CD274: variants seen among roughly 807,000 people sequenced by gnomAD.
The protein encoded by CD274 is programmed cell death 1 ligand 1.
In CD274, 8 loss-of-function variants were observed where a neutral mutation model predicts 30.1. The observed-to-expected ratio is 0.27, with a 90% CI of 0.16 to 0.48. CD274 has a LOEUF of 0.48. CD274 is among the 20% of genes least tolerant of loss of function. CD274 has a pLI of 0.99. For synonymous variants in CD274, 152 were observed against 124.6 expected, an observed-to-expected ratio of 1.22 and a Z score of -1.46; for missense variants, 353 against 346.6, an observed-to-expected ratio of 1.02 and a Z score of -0.15.
chr9:5,455,000 T>C (rs984134206), intron 1 of CD274, among the ~76,000 whole-genome samples: 19 of 152,174 alleles, frequency 1.2e-4, no homozygotes, highest in African/African-American at 4.3e-4. Context: ...GTTTGTATAG[T>C]TGTCTTATTG....
intron 1 of CD274, 119 bp from the exon 2 acceptor site, chr9:5,455,981 G>A (rs1380838859): frequency 1.5e-6 from 1 of 654,618 alleles, no homozygotes; most frequent in African/African-American, 1.9e-5. Flanking sequence ...ACAATTACAA[G>A]TCAATCATGA....
chr9:5,455,741 G>A (rs1225838317), intron 1 of CD274, among the ~76,000 whole-genome samples: 1 of 152,094 alleles, frequency 6.6e-6, no homozygotes, highest in Non-Finnish European at 1.5e-5. Flanking sequence ...TTTTGTACAG[G>A]GCAGGTTCTA....
chr9:5,468,029 G>A lies in CD274; in HGVS notation c.*167G>A. On this transcript the variant is annotated 3_prime_UTR_variant, in exon 7 of 7. Transcript: ENST00000381577. Reference sequence around the variant, plus strand: ...ATGGAACCTGGCGAAAGCAGAGGAGGAGAATGAAGAAAGATGGAGTCAAAC... The same window carrying A: ...ATGGAACCTGGCGAAAGCAGAGGAGAAGAATGAAGAAAGATGGAGTCAAAC... The A allele has an allele frequency of 1.6e-6, 1 of 641,054 alleles. No homozygotes were observed. Among genetic ancestry groups the A allele is most frequent in the Non-Finnish European group, 2.8e-6 (1 of 354,180 alleles). The allele number at this position is 641,054 out of a possible 1,614,324, so 39.7% of individuals were successfully genotyped here. A position where few individuals can be genotyped will look rare whatever the true frequency, so the allele number is the denominator to read the frequency against.
chr9:5,451,687 C>G lies in CD274; in HGVS notation c.-15+1091C>G, dbSNP rs185440695. On this transcript the variant is annotated intron_variant, in intron 1 of 6. Coordinates refer to ENST00000381577, the MANE Select transcript of CD274 (RefSeq NM_014143.4). ...GGTCTTCAAGGAAGTCACAGAAATA[C>G]TGTGGGGAATTGAAACCCCATGTGG... 3.1e-3 allele frequency among the ~76,000 whole-genome samples: 468 copies of G among 152,276 alleles called. 1 individual carries two copies. Among genetic ancestry groups the G allele is most frequent in the South Asian group, 6.8e-3 (33 of 4,822 alleles).
intron 6 of CD274, 87 bp from the exon 7 acceptor site, chr9:5,467,753 C>A: frequency 9.6e-7 from 1 of 1,043,934 alleles, no homozygotes; most frequent in Non-Finnish European, 1.5e-6. Context: ...ATATCAGCAA[C>A]TATGAGTTAT....
At chr9:5,463,566 T>C (rs140532471) in intron 4 of CD274, among the ~76,000 whole-genome samples, 340 of 152,342 alleles carry the variant, frequency 2.2e-3, no homozygotes, top group Middle Eastern at 3.4e-3. Flanking sequence ...CTTCCCTCTT[T>C]CCAGGGTGGC....
In CD274 at chr9:5,468,257, G is replaced by C. The variant is rs4143815; in HGVS notation, c.*395G>C. ...TTGCCTCCACTCAATGCCTCAATTT[G>C]TTTTCTGCATGACTGAGAGTCTCAG... On this transcript the variant is annotated 3_prime_UTR_variant, in exon 7 of 7. Coordinates refer to ENST00000381577, the MANE Select transcript of CD274 (RefSeq NM_014143.4). The C allele has an allele frequency of 0.27, 75,527 of 284,046 alleles. 12,339 individuals carry two copies. Among genetic ancestry groups the C allele is most frequent in the East Asian group, 0.55 (10,277 of 18,584 alleles). The allele number at this position is 284,046 out of a possible 1,614,324, so 17.6% of individuals were successfully genotyped here.
At position 5,469,379 on chromosome 9, in the gene CD274, T is replaced by A. The variant is rs1586770748; in HGVS notation, c.*1517T>A. 4.3e-6 allele frequency: 1 copy of A among 232,478 alleles called. No individual in the cohort carries two copies. The highest frequency in any genetic ancestry group is 2.2e-5 in the African/African-American group (1 of 45,298). The allele number at this position is 232,478 out of a possible 1,614,324, so 14.4% of individuals were successfully genotyped here. A position where few individuals can be genotyped will look rare whatever the true frequency, so the allele number is the denominator to read the frequency against. ...AGATGGTTGGAAAATCTCCACTTCA[T>A]CCTCCAAGCCATTCAAGTTTCCTTT... On this transcript the variant is annotated 3_prime_UTR_variant, in exon 7 of 7. Coordinates refer to ENST00000381577, the MANE Select transcript of CD274 (RefSeq NM_014143.4).
chr9:5,462,337 C>A (rs1342462194), intron 3 of CD274, among the ~76,000 whole-genome samples: 1 of 151,940 alleles, frequency 6.6e-6, no homozygotes, highest in Non-Finnish European at 1.5e-5. Context: ...AGATTTATAA[C>A]AACAAAAATA....
In CD274 at chr9:5,470,058, T is replaced by C. The variant is rs1443170970; in HGVS notation, c.*2196T>C. ...TCACTACACAGCCCTCCTAAGAGGC[T>C]TCCTGGAGGTTTCGAGATTCAGATG... On this transcript the variant is annotated 3_prime_UTR_variant, in exon 7 of 7. Transcript: ENST00000381577. The C allele has an allele frequency of 3.4e-5, 8 of 233,156 alleles. No individual in the cohort carries two copies. The highest frequency in any genetic ancestry group is 1.3e-3 in the Middle Eastern group (1 of 786). 14.4% of individuals were successfully genotyped at this position (233,156 alleles called of 1,614,324 possible).
At chr9:5,453,332 A>T (rs900273044) in intron 1 of CD274, among the ~76,000 whole-genome samples, 1 of 152,242 alleles carries the variant, frequency 6.6e-6, no homozygotes, top group Admixed American at 6.5e-5. Context: ...AATTAGCAAA[A>T]AAATAATATT....
chr9:5,465,288 G>A (rs1819478103), intron 4 of CD274, among the ~76,000 whole-genome samples: 1 of 152,178 alleles, frequency 6.6e-6, no homozygotes, highest in African/African-American at 2.4e-5. Context: ...TTTAGCCCCA[G>A]CACCACCTTT....
chr9:5,461,580 C>T (rs1223627217), intron 3 of CD274, among the ~76,000 whole-genome samples: 1 of 151,878 alleles, frequency 6.6e-6, no homozygotes, highest in African/African-American at 2.4e-5. Flanking sequence ...CTATTGCTGT[C>T]CTTGGTAAAG....
chr9:5,464,075 A>G (rs1347759609), intron 4 of CD274, among the ~76,000 whole-genome samples: 7 of 152,336 alleles, frequency 4.6e-5, no homozygotes, highest in African/African-American at 1.7e-4. Context: ...AGAAAAGTCA[A>G]TCAATAGGAA....
At position 5,468,031 on chromosome 9, in the gene CD274, G is replaced by C; in HGVS notation, c.*169G>C. 3 of 639,810 alleles carry C rather than the reference G, an allele frequency of 4.7e-6. No individual in the cohort carries two copies. Among genetic ancestry groups the C allele is most frequent in the Non-Finnish European group, 8.5e-6 (3 of 353,598 alleles). The allele number at this position is 639,810 out of a possible 1,614,324, so 39.6% of individuals were successfully genotyped here. ...GGAACCTGGCGAAAGCAGAGGAGGA[G>C]AATGAAGAAAGATGGAGTCAAACAG... is the stretch of plus-strand genomic sequence containing the variant. On this transcript the variant is annotated 3_prime_UTR_variant, in exon 7 of 7. Coordinates refer to ENST00000381577, the MANE Select transcript of CD274 (RefSeq NM_014143.4).
In CD274 at chr9:5,456,128, T is replaced by C. The variant is rs577786663; in HGVS notation, c.15T>C (p.Ala5=). 6 of 1,608,388 alleles carry C rather than the reference T, an allele frequency of 3.7e-6. No homozygotes were observed. The East Asian group carries it at 8.9e-5, about 24-fold the overall frequency. MRIF[A]VFIFMTYWHL... ...ATTCCAGAAAGATGAGGATATTTGCTGTCTTTATATTCATGACCTACTGGC... is the reference window on the plus strand; with the variant it reads ...ATTCCAGAAAGATGAGGATATTTGCCGTCTTTATATTCATGACCTACTGGC... Residue 5 remains alanine, a synonymous_variant, in exon 2 of 7, where the codon GCT becomes GCC. Transcript: ENST00000381577.
intron 5 of CD274, 76 bp from the exon 6 acceptor site, chr9:5,466,694 G>C (rs543758353): frequency 3.6e-6 from 4 of 1,100,230 alleles, no homozygotes; most frequent in Non-Finnish European, 4.0e-6. Flanking sequence ...CACAGAACTT[G>C]AAATTTAAAC....
Position 5,457,141 on chromosome 9 carries a change from G to C in CD274, c.115G>C (p.Glu39Gln), listed in dbSNP as rs2131211323. Residue 39 changes from glutamate (E) to glutamine (Q), a missense_variant, in exon 3 of 7, where the codon GAA (glutamate) becomes CAA (glutamine). Glu to Gln is a conservative substitution (Grantham distance 29, BLOSUM62 2). Coordinates refer to ENST00000381577, the MANE Select transcript of CD274 (RefSeq NM_014143.4). Reference sequence around the variant, plus strand: ...AGAGTATGGTAGCAATATGACAATTGAATGCAAATTCCCAGTAGAAAAACA... The same window carrying C: ...AGAGTATGGTAGCAATATGACAATTCAATGCAAATTCCCAGTAGAAAAACA... ...VVEYGSNMTI[E>Q]CKFPVEKQLD... is the part of the protein sequence containing the mutation. The C allele has an allele frequency of 6.2e-7, 1 of 1,614,048 alleles. No homozygotes were observed. Among genetic ancestry groups the C allele is most frequent in the East Asian group, 2.2e-5 (1 of 44,884 alleles).
At chr9:5,460,086 T>C (rs1251935271) in intron 3 of CD274, among the ~76,000 whole-genome samples, 1 of 152,146 alleles carries the variant, frequency 6.6e-6, no homozygotes, top group Non-Finnish European at 1.5e-5. Context: ...CAGGGCCTGA[T>C]ATACAGCAGA....
Sources: gnomAD v4.1 joint callset for allele counts (sites outside exome capture counted in the v4.1 genomes callset) on GRCh38, gnomAD v4.1.1 for gene constraint, MANE v1.5 for transcripts, NCBI Gene and HGNC (gene_info 2026-07-23, HGNC 2026-07-21) for gene names.